Variants in RBMS1 observed in about 807,000 individuals in gnomAD.
RBMS1 encodes RNA-binding motif, single-stranded-interacting protein 1.
A neutral mutation model predicts 62.3 loss-of-function variants in RBMS1; 17 were observed. That is an observed-to-expected ratio of 0.27 (90% CI 0.19 to 0.41). The LOEUF (loss-of-function observed/expected upper bound fraction) is 0.41, where lower values mean the gene tolerates loss of function less well. RBMS1 is among the 10% of genes least tolerant of loss of function. The pLI is 1.00. For synonymous variants in RBMS1, 172 were observed against 170.0 expected (o/e 1.01, Z -0.09); for missense variants, 334 against 504.5 (o/e 0.66, Z 3.24).
intron 1 of RBMS1, among the ~76,000 whole-genome samples, chr2:160,419,546 A>G (rs572057780): frequency 5.9e-5 from 9 of 152,338 alleles, no homozygotes; most frequent in African/African-American, 2.2e-4. Context: ...ATAAGAATGG[A>G]CAAAGTGCTG....
intron 1 of RBMS1, among the ~76,000 whole-genome samples, chr2:160,379,900 A>C (rs1694192257): frequency 1.3e-5 from 2 of 152,118 alleles, no homozygotes; most frequent in Non-Finnish European, 2.9e-5. Context: ...GAGACCCAGG[A>C]CCTCTGTGTG....
chr2:160,355,557 A>G (rs576279187), intron 2 of RBMS1, among the ~76,000 whole-genome samples: 6 of 152,032 alleles, frequency 3.9e-5, no homozygotes, highest in South Asian at 2.1e-4. Flanking sequence ...CCCACATTCT[A>G]TCAAGGACAA....
At chr2:160,432,721 G>A (rs1027313301) in intron 1 of RBMS1, among the ~76,000 whole-genome samples, 1 of 152,150 alleles carries the variant, frequency 6.6e-6, no homozygotes, top group Non-Finnish European at 1.5e-5. Context: ...GCGGGGAAAA[G>A]GGAGTAAAGG....
intron 1 of RBMS1, among the ~76,000 whole-genome samples, chr2:160,421,728 C>A (rs1574037527): frequency 6.6e-6 from 1 of 152,220 alleles, no homozygotes; most frequent in Non-Finnish European, 1.5e-5. Context: ...GCCACACTGT[C>A]TTCCACAATG....
intron 2 of RBMS1, among the ~76,000 whole-genome samples, chr2:160,338,863 A>G (rs893297256): frequency 1.3e-5 from 2 of 152,230 alleles, no homozygotes; most frequent in African/African-American, 4.8e-5. Context: ...GAGGAAAGAG[A>G]ATGAAGCAAA....
chr2:160,287,119 A>G lies in RBMS1; in HGVS notation c.641-35T>C, dbSNP rs777497592. 5 of 1,609,912 alleles carry G rather than the reference A, an allele frequency of 3.1e-6. No individual in the cohort carries two copies. The East Asian group carries it at 6.7e-5, about 22-fold the overall frequency. On this transcript the variant is annotated intron_variant, in intron 6 of 13. Transcript: ENST00000348849. ...CAGAGAAAAATAAAATGAAACCACAATGATACGTGTATGTGGATGACAAAA... is the reference window on the plus strand; with the variant it reads ...CAGAGAAAAATAAAATGAAACCACAGTGATACGTGTATGTGGATGACAAAA...
At chr2:160,316,740 C>A (rs1421702247) in intron 3 of RBMS1, among the ~76,000 whole-genome samples, 2 of 152,008 alleles carry the variant, frequency 1.3e-5, no homozygotes, top group Non-Finnish European at 2.9e-5. Context: ...ACACACTGAG[C>A]CGACATTAAG....
intron 1 of RBMS1, among the ~76,000 whole-genome samples, chr2:160,449,034 G>C (rs934294877): frequency 1.3e-5 from 2 of 150,792 alleles, no homozygotes; most frequent in African/African-American, 2.4e-5. Context: ...CCCTGTCTGA[G>C]AAGTGAGGAG....
At chr2:160,329,477 T>C (rs1210725487) in intron 2 of RBMS1, among the ~76,000 whole-genome samples, 2 of 152,208 alleles carry the variant, frequency 1.3e-5, no homozygotes, top group African/African-American at 2.4e-5. Flanking sequence ...TGTCCTTAGA[T>C]ACTGCAGATA....
intron 1 of RBMS1, among the ~76,000 whole-genome samples, chr2:160,439,520 C>T (rs1054882151): frequency 2.0e-5 from 3 of 151,924 alleles, no homozygotes; most frequent in Admixed American, 6.5e-5. Context: ...AGGCGCTCCT[C>T]ACTTCCTAGA....
At chr2:160,471,515 A>G (rs1269145508) in intron 1 of RBMS1, among the ~76,000 whole-genome samples, 1 of 151,512 alleles carries the variant, frequency 6.6e-6, no homozygotes, top group Non-Finnish European at 1.5e-5. Flanking sequence ...TTTGAAATAC[A>G]TATTTTTGGG....
chr2:160,314,463 T>C (rs1462270588), intron 3 of RBMS1, among the ~76,000 whole-genome samples: 1 of 152,172 alleles, frequency 6.6e-6, no homozygotes, highest in Non-Finnish European at 1.5e-5. Flanking sequence ...GTAATATTTC[T>C]ATCTAAATTA....
chr2:160,347,171 CT>C (rs900976905), intron 2 of RBMS1, among the ~76,000 whole-genome samples: 1 of 151,684 alleles, frequency 6.6e-6, no homozygotes, highest in African/African-American at 2.4e-5. Flanking sequence ...TGGCTTTTTT[CT>C]TTTTTTTCAC....
intron 1 of RBMS1, among the ~76,000 whole-genome samples, chr2:160,396,131 T>G (rs1299759986): frequency 6.6e-6 from 1 of 152,122 alleles, no homozygotes; most frequent in African/African-American, 2.4e-5. Flanking sequence ...AGAGCTGGGA[T>G]CCACACCAAT....
At chr2:160,362,106 C>A (rs1233519836) in intron 2 of RBMS1, among the ~76,000 whole-genome samples, 4 of 152,226 alleles carry the variant, frequency 2.6e-5, no homozygotes, top group Admixed American at 2.0e-4. Context: ...CTTCTCTCAG[C>A]CTTCACAGAG....
At chr2:160,306,316 C>T (rs1341771494) in intron 4 of RBMS1, among the ~76,000 whole-genome samples, 1 of 152,122 alleles carries the variant, frequency 6.6e-6, no homozygotes, top group Non-Finnish European at 1.5e-5. Context: ...AAATATTACA[C>T]ATGCTTTAAA....
intron 2 of RBMS1, among the ~76,000 whole-genome samples, chr2:160,343,568 T>A (rs747687793): frequency 8.5e-5 from 13 of 152,152 alleles, no homozygotes; most frequent in Non-Finnish European, 1.8e-4. Context: ...TTAATGTGCA[T>A]TATTGCCATT....
intron 1 of RBMS1, among the ~76,000 whole-genome samples, chr2:160,436,600 G>A (rs963014572): frequency 2.6e-5 from 4 of 152,190 alleles, no homozygotes; most frequent in African/African-American, 9.6e-5. Flanking sequence ...TACCAAGCTT[G>A]CTACTTCTCC....
chr2:160,430,448 T>C (rs755697766), intron 1 of RBMS1, among the ~76,000 whole-genome samples: 2 of 152,198 alleles, frequency 1.3e-5, no homozygotes, highest in Non-Finnish European at 2.9e-5. Flanking sequence ...GGCCAAGATC[T>C]TGGAGTGCTT....
Sources: gnomAD v4.1 joint callset for allele counts (sites outside exome capture counted in the v4.1 genomes callset) on GRCh38, gnomAD v4.1.1 for gene constraint, MANE v1.5 for transcripts, NCBI Gene and HGNC (gene_info 2026-07-23, HGNC 2026-07-21) for gene names.